Variants in SHISAL1 observed in about 807,000 individuals in gnomAD.
The protein encoded by SHISAL1 is protein shisa-like-1.
SHISAL1 carries 9 observed loss-of-function variants against 22.6 expected under a neutral mutation model. The ratio of observed to expected loss-of-function variants is 0.40; its 90% confidence interval spans 0.24 to 0.70. The LOEUF (loss-of-function observed/expected upper bound fraction) is 0.70. SHISAL1 is among the 30% of genes least tolerant of loss of function. The probability of loss-of-function intolerance (pLI) is 0.39; values close to 1 mark genes in which losing one functional copy is unlikely to be tolerated. For synonymous variants in SHISAL1, 119 were observed against 115.4 expected, an observed-to-expected ratio of 1.03 and a Z score of -0.20; for missense variants, 246 against 270.6, an observed-to-expected ratio of 0.91 and a Z score of 0.64.
rs539259664 is a variant in SHISAL1 at position 44,260,346 on chromosome 22, G to C, written c.*-10661C>G. Among the ~76,000 whole-genome samples, 4 of 152,296 alleles carry C rather than the reference G, an allele frequency of 2.6e-5. No homozygotes were observed. In the South Asian group the frequency reaches 8.3e-4, roughly 32 times the overall value. On this transcript the variant is annotated intron_variant, in intron 4 of 4. Coordinates refer to ENST00000381176, the MANE Select transcript of SHISAL1 (RefSeq NM_001099294.2). ...ACGGCCTGATTTGAGAGCCCATCTC[G>C]AACCTCCGTGCTGCACAGGAAGGGA...
At chr22:44,268,413 G>A (rs764024247) in intron 4 of SHISAL1, among the ~76,000 whole-genome samples, 2 of 152,220 alleles carry the variant, frequency 1.3e-5, no homozygotes, top group South Asian at 4.1e-4. Flanking sequence ...GGTCAAAGAG[G>A]TTTTAAGCTG....
At chr22:44,326,027 T>C in the SHISAL1 span, among the ~76,000 whole-genome samples, 1 of 152,018 alleles carries the variant, frequency 6.6e-6, no homozygotes, top group Non-Finnish European at 1.5e-5. Context: ...AGGACCCTGT[T>C]TCAAATCGCC....
intron 4 of SHISAL1, among the ~76,000 whole-genome samples, chr22:44,277,831 C>T (rs910574046): frequency 2.0e-5 from 3 of 152,150 alleles, no homozygotes; most frequent in Admixed American, 6.5e-5. Context: ...TTCCATCACA[C>T]GAGAGGCTCG....
intron 4 of SHISAL1, among the ~76,000 whole-genome samples, chr22:44,264,109 C>A (rs535486980): frequency 2.6e-5 from 4 of 152,220 alleles, no homozygotes; most frequent in Non-Finnish European, 4.4e-5. Flanking sequence ...CAGATCCAGG[C>A]TGGGGCCAAG....
rs1047424582 is a variant in SHISAL1, at chr22:44,262,322, C to T, written c.*-12637G>A. Among the ~76,000 whole-genome samples, 9 of 152,192 alleles carry T rather than the reference C, an allele frequency of 5.9e-5. No individual in the cohort carries two copies. In the East Asian group the frequency reaches 9.7e-4, roughly 16 times the overall value. On this transcript the variant is annotated intron_variant, in intron 4 of 4. Coordinates refer to ENST00000381176, the MANE Select transcript of SHISAL1 (RefSeq NM_001099294.2). ...CCTGGCAGGGGTGAGTCTGCAGAGG[C>T]GGCAGCCACAAAGCCTTCATCTGCC...
chr22:44,267,348 A>T (rs2055171256), intron 4 of SHISAL1, among the ~76,000 whole-genome samples: 1 of 152,012 alleles, frequency 6.6e-6, no homozygotes, highest in East Asian at 1.9e-4. Flanking sequence ...CCCATCTTGG[A>T]AAATCTCCCA....
chr22:44,303,645 C>T (rs1428514144), intron 1 of SHISAL1, among the ~76,000 whole-genome samples: 2 of 152,204 alleles, frequency 1.3e-5, no homozygotes. Context: ...TTGTTGAAAC[C>T]TCTTGGTTTG....
At chr22:44,256,659 T>G (rs2055087020) in intron 4 of SHISAL1, among the ~76,000 whole-genome samples, 1 of 152,180 alleles carries the variant, frequency 6.6e-6, no homozygotes, top group Non-Finnish European at 1.5e-5. Flanking sequence ...CATATACATT[T>G]TAAAAATTGT....
At chr22:44,281,549 G>T (rs135397) in intron 4 of SHISAL1, among the ~76,000 whole-genome samples, 82,338 of 151,920 alleles carry the variant, frequency 0.54, 23,088 homozygotes, top group Non-Finnish European at 0.62. Flanking sequence ...GGCTCTCTAC[G>T]CCTGGGAGGA....
chr22:44,253,477 G>T, intron 4 of SHISAL1, among the ~76,000 whole-genome samples: 1 of 147,740 alleles, frequency 6.8e-6, no homozygotes, highest in Non-Finnish European at 1.5e-5. Flanking sequence ...CGCCCAGGCT[G>T]GAGTGCAATG....
In SHISAL1 at chr22:44,247,380, A is replaced by C. The variant is rs1601770370; in HGVS notation, c.*2305T>G. 2 of 152,298 alleles carry C rather than the reference A, an allele frequency of 1.3e-5. No homozygotes were observed. Among genetic ancestry groups the C allele is most frequent in the East Asian group, 3.8e-4 (2 of 5,198 alleles). The allele number at this position is 152,298 out of a possible 1,614,324, so 9.4% of individuals were successfully genotyped here. ...TGCCTTCTGAGGCACTGCACGTGGG[A>C]CACAGCTGTGGCTTCCGCAGCTGGG... On this transcript the variant is annotated 3_prime_UTR_variant, in exon 5 of 5. Coordinates refer to ENST00000381176, the MANE Select transcript of SHISAL1 (RefSeq NM_001099294.2).
At chr22:44,275,901 C>T (rs1463903110) in intron 4 of SHISAL1, among the ~76,000 whole-genome samples, 2 of 152,334 alleles carry the variant, frequency 1.3e-5, no homozygotes, top group East Asian at 3.9e-4. Flanking sequence ...TGTCTAGGTG[C>T]CTTCTGTGCA....
At chr22:44,262,679 G>C (rs952212034) in intron 4 of SHISAL1, among the ~76,000 whole-genome samples, 9 of 152,230 alleles carry the variant, frequency 5.9e-5, no homozygotes, top group Admixed American at 2.0e-4. Context: ...GTCTGGGGCA[G>C]TGGCCTGGGC....
chr22:44,266,615 G>A (rs958312818), intron 4 of SHISAL1, among the ~76,000 whole-genome samples: 1 of 151,498 alleles, frequency 6.6e-6, no homozygotes, highest in African/African-American at 2.4e-5. Flanking sequence ...GTGTTGGGGG[G>A]CCAGGGCACA....
chr22:44,267,766 C>T (rs1021547095), intron 4 of SHISAL1, among the ~76,000 whole-genome samples: 2 of 152,232 alleles, frequency 1.3e-5, no homozygotes, highest in African/African-American at 2.4e-5. Flanking sequence ...TGCCTCTGCA[C>T]GTGCTATTTC....
At chr22:44,257,352 A>G (rs1469204634) in intron 4 of SHISAL1, among the ~76,000 whole-genome samples, 2 of 152,218 alleles carry the variant, frequency 1.3e-5, no homozygotes, top group Admixed American at 6.5e-5. Context: ...CACACAATGG[A>G]GAGTCACACA....
chr22:44,308,683 G>C (rs2055496379), intron 1 of SHISAL1, among the ~76,000 whole-genome samples: 1 of 152,220 alleles, frequency 6.6e-6, no homozygotes, highest in African/African-American at 2.4e-5. Context: ...GGTTCATCTG[G>C]GGCCAGCATG....
intron 1 of SHISAL1, among the ~76,000 whole-genome samples, chr22:44,304,563 C>T (rs1218776746): frequency 6.6e-6 from 1 of 152,110 alleles, no homozygotes; most frequent in African/African-American, 2.4e-5. Flanking sequence ...TCTCTGCTCC[C>T]ACCACTGCCC....
upstream of SHISAL1, among the ~76,000 whole-genome samples, chr22:44,317,156 G>A (rs749807258): frequency 1.3e-5 from 2 of 152,160 alleles, no homozygotes; most frequent in African/African-American, 2.4e-5. Context: ...CACTTCTGGG[G>A]GTTAATGAGC....
Sources: allele counts gnomAD v4.1 joint callset (sites outside exome capture counted in the v4.1 genomes callset), GRCh38; gene constraint gnomAD v4.1.1; transcripts MANE v1.5; gene names NCBI Gene and HGNC (gene_info 2026-07-23, HGNC 2026-07-21).